The following MYCBP2 variants were observed in gnomAD, a reference collection of about 807,000 sequenced individuals.
MYCBP2 encodes the protein E3 ubiquitin-protein ligase MYCBP2.
A neutral mutation model predicts 525.3 loss-of-function variants in MYCBP2; 120 were observed. The observed-to-expected ratio is 0.23, with a 90% CI of 0.20 to 0.27. The LOEUF (loss-of-function observed/expected upper bound fraction) is 0.27, where lower values mean the gene tolerates loss of function less well. Ranked by LOEUF, MYCBP2 falls within the 10% of genes least tolerant of loss-of-function variation. MYCBP2 has a pLI of 1.00. For synonymous variants in MYCBP2, 1,894 were observed against 1,955.8 expected (o/e 0.97, Z 0.83); for missense variants, 4,149 against 5,657.1 (o/e 0.73, Z 8.55).
At chr13:77,243,620 G>GAA (rs68189974) in intron 16 of MYCBP2, among the ~76,000 whole-genome samples, 186 bp downstream of exon 16, 23 of 110,040 alleles carry the variant, frequency 2.1e-4, no homozygotes, top group African/African-American at 2.7e-4. Context: ...CTCAAAAAAA[G>GAA]AAAAAAAAAA....
chr13:77,244,612 CT>C (rs2154318397), intron 15 of MYCBP2, among the ~76,000 whole-genome samples: 1 of 152,302 alleles, frequency 6.6e-6, no homozygotes, highest in East Asian at 1.9e-4. Context: ...TGGGCAAAGA[CT>C]TCATGACTAA....
At chr13:77,230,098 C>T (rs186171331) in intron 18 of MYCBP2, among the ~76,000 whole-genome samples, 25 of 152,242 alleles carry the variant, frequency 1.6e-4, no homozygotes, top group African/African-American at 6.0e-4. Context: ...AGTCTATATA[C>T]TCTGCTTTGC....
At chr13:77,108,234 T>C (rs1566556257) in intron 55 of MYCBP2, among the ~76,000 whole-genome samples, 1 of 152,162 alleles carries the variant, frequency 6.6e-6, no homozygotes, top group Non-Finnish European at 1.5e-5. Context: ...CTACACATAA[T>C]TGAACTTGAA....
At chr13:77,214,048 C>T (rs576266736) in intron 21 of MYCBP2, among the ~76,000 whole-genome samples, 1 of 152,310 alleles carries the variant, frequency 6.6e-6, no homozygotes, top group South Asian at 2.1e-4. Flanking sequence ...GAAAGTTAAC[C>T]TTCAATGCCA....
At chr13:77,268,068 A>G (rs951620728) in intron 7 of MYCBP2, 131 bp from the exon 8 acceptor site, 3 of 588,656 alleles carry the variant, frequency 5.1e-6, no homozygotes, top group Non-Finnish European at 9.0e-6. Context: ...AAAGATATTA[A>G]TGATTAAAAA....
At chr13:77,318,749 G>A (rs2081254669) in intron 1 of MYCBP2, among the ~76,000 whole-genome samples, 2 of 151,984 alleles carry the variant, frequency 1.3e-5, no homozygotes, top group African/African-American at 4.8e-5. Flanking sequence ...GCGAGACTCT[G>A]CCTCAAAACA....
At chr13:77,175,905 C>G (rs2059650050) in intron 36 of MYCBP2, among the ~76,000 whole-genome samples, 2 of 150,770 alleles carry the variant, frequency 1.3e-5, no homozygotes, top group Admixed American at 6.6e-5. Flanking sequence ...TGCAGTGAGC[C>G]AAGATCACAC....
At chr13:77,290,356 C>T (rs1421021225) in intron 2 of MYCBP2, among the ~76,000 whole-genome samples, 2 of 152,180 alleles carry the variant, frequency 1.3e-5, no homozygotes, top group African/African-American at 4.8e-5. Context: ...CAATTATGTT[C>T]TTGGACATTT....
intron 15 of MYCBP2, among the ~76,000 whole-genome samples, chr13:77,245,065 A>T (rs1246838751): frequency 6.6e-6 from 1 of 152,242 alleles, no homozygotes; most frequent in Non-Finnish European, 1.5e-5. Flanking sequence ...AAAACATGTC[A>T]CGCCAGTTAC....
chr13:77,051,116 T>C lies in MYCBP2; in HGVS notation c.13802A>G (p.Tyr4601Cys). 1 of 1,612,662 alleles carries C rather than the reference T, an allele frequency of 6.2e-7. No individual in the cohort carries two copies. Among genetic ancestry groups the C allele is most frequent in the Non-Finnish European group, 8.5e-7 (1 of 1,179,676 alleles). ...GTDFLEYKCRYCCSVAVFFCF... is the reference protein window; with the variant it reads ...GTDFLEYKCRCCCSVAVFFCF... ...GAAAAAAACAGCCACTGAACAGCAG[T>C]AGCGACATTTATATTCCAAAAAGTC... Residue 4601 changes from tyrosine (Y) to cysteine (C), a missense_variant, in exon 82 of 83, where the codon TAC (tyrosine) becomes TGC (cysteine). Physicochemically the swap from Tyr to Cys is radical, Grantham distance 194 (BLOSUM62 -2). This residue lies in a region of MYCBP2 where 45 missense variants were observed against 130.1 expected (regional missense o/e 0.35). Coordinates refer to ENST00000544440, the MANE Select transcript of MYCBP2 (RefSeq NM_015057.5).
chr13:77,208,726 G>T (rs2063640273), intron 23 of MYCBP2, among the ~76,000 whole-genome samples: 1 of 152,072 alleles, frequency 6.6e-6, no homozygotes, highest in Admixed American at 6.6e-5. Context: ...GTGGAATTCG[G>T]TATGGGAAAA....
At chr13:77,215,986 C>T (rs2064767144) in intron 21 of MYCBP2, among the ~76,000 whole-genome samples, 1 of 152,174 alleles carries the variant, frequency 6.6e-6, no homozygotes, top group Non-Finnish European at 1.5e-5. Flanking sequence ...CAGTTAGTGT[C>T]TAATACTATT....
chr13:77,204,092 C>A lies in MYCBP2; in HGVS notation c.3843+1164G>T, dbSNP rs1185479479. On this transcript the variant is annotated intron_variant, in intron 26 of 82. Coordinates refer to ENST00000544440, the MANE Select transcript of MYCBP2 (RefSeq NM_015057.5). ...GCTTCTGCACAGCAAAAGAAACTACCATCAGAGTGAACAGGCAACCTACAA... is the reference window on the plus strand; with the variant it reads ...GCTTCTGCACAGCAAAAGAAACTACAATCAGAGTGAACAGGCAACCTACAA... 1.6e-4 allele frequency among the ~76,000 whole-genome samples: 24 copies of A among 149,742 alleles called. 1 individual carries two copies. In the Middle Eastern group the frequency reaches 0.01, roughly 65 times the overall value.
intron 2 of MYCBP2, among the ~76,000 whole-genome samples, chr13:77,289,125 G>A (rs1225399936): frequency 1.3e-5 from 2 of 151,580 alleles, no homozygotes; most frequent in Admixed American, 6.6e-5. Flanking sequence ...AAGTATCTAA[G>A]ATAAACAAAA....
chr13:77,122,638 C>G (rs953753460), intron 54 of MYCBP2, among the ~76,000 whole-genome samples: 1 of 144,932 alleles, frequency 6.9e-6, no homozygotes, highest in Non-Finnish European at 1.5e-5. Context: ...TGCAGTGAGC[C>G]GAGATCGCGC....
chr13:77,096,921 A>C (rs2046342636), intron 56 of MYCBP2, among the ~76,000 whole-genome samples: 1 of 152,064 alleles, frequency 6.6e-6, no homozygotes, highest in African/African-American at 2.4e-5. Flanking sequence ...ATGTTACAGA[A>C]ATCATTACAT....
intron 35 of MYCBP2, among the ~76,000 whole-genome samples, chr13:77,177,529 C>G (rs1337571980): frequency 6.6e-6 from 1 of 151,792 alleles, no homozygotes; most frequent in African/African-American, 2.4e-5. Flanking sequence ...GCCATATTGC[C>G]TAGGCTGGCC....
chr13:77,066,935 C>A (rs1477695447), intron 71 of MYCBP2, among the ~76,000 whole-genome samples: 1 of 151,832 alleles, frequency 6.6e-6, no homozygotes, highest in African/African-American at 2.4e-5. Flanking sequence ...CAGTTGTTTG[C>A]CTTTTTAAAA....
At chr13:77,242,810 CTT>C (rs1362971258) in intron 17 of MYCBP2, among the ~76,000 whole-genome samples, 1 of 152,176 alleles carries the variant, frequency 6.6e-6, no homozygotes, top group East Asian at 1.9e-4. Flanking sequence ...ATATGGCTGA[CTT>C]ATGCCATAAA....
Sources: gnomAD v4.1 joint callset for allele counts (sites outside exome capture counted in the v4.1 genomes callset) on GRCh38, gnomAD v4.1.1 for gene constraint, gnomAD v4.1.1 regional missense constraint, MANE v1.5 for transcripts, NCBI Gene and HGNC (gene_info 2026-07-23, HGNC 2026-07-21) for gene names.